CSMD1: variants seen among roughly 807,000 people sequenced by gnomAD.
The protein encoded by CSMD1 is CUB and sushi domain-containing protein 1.
CSMD1 carries 213 observed loss-of-function variants against 417.5 expected under a neutral mutation model. The observed-to-expected ratio is 0.51, with a 90% CI of 0.46 to 0.57. CSMD1 has a LOEUF of 0.57. Ranked by LOEUF, CSMD1 falls within the 20% of genes least tolerant of loss-of-function variation. The pLI is 0.00. For missense variants in CSMD1, 6,923 were observed against 4,529.7 expected (o/e 1.53, Z -15.17); for synonymous variants, 2,862 against 1,736.8 (o/e 1.65, Z -16.11).
chr8:4,107,140 C>G (rs569192546), intron 3 of CSMD1, among the ~76,000 whole-genome samples: 1 of 152,146 alleles, frequency 6.6e-6, no homozygotes, highest in African/African-American at 2.4e-5. Flanking sequence ...AGTACTGGTT[C>G]TACTACACAC....
At chr8:4,213,656 A>G (rs751067706) in intron 3 of CSMD1, among the ~76,000 whole-genome samples, 1 of 152,236 alleles carries the variant, frequency 6.6e-6, no homozygotes, top group Non-Finnish European at 1.5e-5. Flanking sequence ...ATTGTTGCTC[A>G]GCAACTGAGA....
intron 2 of CSMD1, among the ~76,000 whole-genome samples, chr8:4,517,783 T>A (rs1008282876): frequency 6.6e-6 from 1 of 152,190 alleles, no homozygotes; most frequent in African/African-American, 2.4e-5. Flanking sequence ...CAAACTTAAA[T>A]GTAAATAATA....
At chr8:4,275,549 C>A (rs999674893) in intron 3 of CSMD1, among the ~76,000 whole-genome samples, 16 of 151,968 alleles carry the variant, frequency 1.1e-4, no homozygotes, top group Middle Eastern at 6.3e-3. Context: ...GGTGAACTTC[C>A]AAAACTTCTG....
At chr8:3,934,529 T>C (rs1810356032) in intron 5 of CSMD1, among the ~76,000 whole-genome samples, 1 of 152,164 alleles carries the variant, frequency 6.6e-6, no homozygotes, top group African/African-American at 2.4e-5. Context: ...CCTAAACAAG[T>C]GCTGCCTTTA....
intron 1 of CSMD1, among the ~76,000 whole-genome samples, chr8:4,678,491 C>T (rs1313863428): frequency 6.6e-6 from 1 of 152,150 alleles, no homozygotes; most frequent in Non-Finnish European, 1.5e-5. Flanking sequence ...GGTAACTACA[C>T]ATGATAGTTC....
intron 1 of CSMD1, among the ~76,000 whole-genome samples, chr8:4,811,786 G>C (rs746446026): frequency 5.3e-5 from 8 of 151,872 alleles, no homozygotes; most frequent in Non-Finnish European, 1.2e-4. Flanking sequence ...TAGGAATATG[G>C]TTTAAAATAC....
At chr8:4,448,429 G>A (rs1022114862) in intron 2 of CSMD1, among the ~76,000 whole-genome samples, 5 of 152,166 alleles carry the variant, frequency 3.3e-5, no homozygotes, top group Non-Finnish European at 5.9e-5. Context: ...ATGCAGATTG[G>A]AAGACATTTT....
chr8:3,378,635 C>G (rs1278998408), intron 18 of CSMD1, among the ~76,000 whole-genome samples: 3 of 152,102 alleles, frequency 2.0e-5, no homozygotes, highest in Non-Finnish European at 2.9e-5. Flanking sequence ...TAAACAGAAC[C>G]AATGACAAAA....
At chr8:3,484,444 G>T (rs567174432) in intron 11 of CSMD1, among the ~76,000 whole-genome samples, 1 of 152,168 alleles carries the variant, frequency 6.6e-6, no homozygotes, top group African/African-American at 2.4e-5. Context: ...ACTCAAAAGG[G>T]ATAAGAGACT....
intron 2 of CSMD1, among the ~76,000 whole-genome samples, chr8:4,576,249 G>C (rs962403307): frequency 5.3e-5 from 8 of 152,312 alleles, no homozygotes; most frequent in South Asian, 2.1e-4. Flanking sequence ...CACCCTTCTA[G>C]TTCCTCTACA....
intron 1 of CSMD1, among the ~76,000 whole-genome samples, chr8:4,865,430 A>G (rs1192844915): frequency 2.0e-5 from 3 of 151,390 alleles, no homozygotes; most frequent in Non-Finnish European, 3.0e-5. Context: ...ATAGGTTGTC[A>G]TTTTCTTTCT....
chr8:4,404,555 T>C (rs2128930784), intron 3 of CSMD1, among the ~76,000 whole-genome samples: 1 of 152,292 alleles, frequency 6.6e-6, no homozygotes, highest in East Asian at 1.9e-4. Context: ...ATATTAAATA[T>C]GAACATTTTT....
At chr8:3,335,203 G>A (rs990126792) in intron 23 of CSMD1, among the ~76,000 whole-genome samples, 1 of 152,090 alleles carries the variant, frequency 6.6e-6, no homozygotes, top group Non-Finnish European at 1.5e-5. Flanking sequence ...TGGTGAACCA[G>A]CCTCTAATGG....
chr8:4,045,592 T>G (rs1016679337), intron 3 of CSMD1, among the ~76,000 whole-genome samples: 41 of 152,074 alleles, frequency 2.7e-4, no homozygotes, highest in African/African-American at 9.9e-4. Flanking sequence ...TGAAAGAAAC[T>G]CAAGAATGTT....
At chr8:4,211,581 G>A (rs1452246859) in intron 3 of CSMD1, among the ~76,000 whole-genome samples, 2 of 152,124 alleles carry the variant, frequency 1.3e-5, no homozygotes, top group Non-Finnish European at 2.9e-5. Context: ...TAGAAGTTTT[G>A]CTGAAACGGC....
At chr8:3,155,837 G>C (rs553329866) in intron 39 of CSMD1, among the ~76,000 whole-genome samples, 1 of 152,154 alleles carries the variant, frequency 6.6e-6, no homozygotes, top group African/African-American at 2.4e-5. Context: ...ATAAACAGAC[G>C]TTCTCTCCTG....
intron 7 of CSMD1, among the ~76,000 whole-genome samples, chr8:3,676,466 T>A (rs1449255666): frequency 6.6e-6 from 1 of 152,226 alleles, no homozygotes; most frequent in South Asian, 2.1e-4. Context: ...TTATTACATG[T>A]TATATTGTAT....
chr8:3,513,995 G>T (rs1797185635), intron 10 of CSMD1, among the ~76,000 whole-genome samples: 1 of 152,126 alleles, frequency 6.6e-6, no homozygotes, highest in Non-Finnish European at 1.5e-5. Context: ...TCCAATCCAG[G>T]CCTTCTTTTT....
chr8:3,799,231 G>C (rs1012934585), intron 5 of CSMD1, among the ~76,000 whole-genome samples: 14 of 151,398 alleles, frequency 9.2e-5, no homozygotes, highest in Non-Finnish European at 2.1e-4. Context: ...TGATTCTACA[G>C]TTTTTTTTCT....
Sources: allele counts gnomAD v4.1 joint callset (sites outside exome capture counted in the v4.1 genomes callset), GRCh38; gene constraint gnomAD v4.1.1; transcripts MANE v1.5; gene names NCBI Gene and HGNC (gene_info 2026-07-23, HGNC 2026-07-21).